Variants in TENM4 observed in about 807,000 individuals in gnomAD.
TENM4 encodes teneurin-4.
Under a neutral mutation model 243.3 loss-of-function variants are expected in TENM4, and 82 were observed. The observed-to-expected ratio is 0.34, with a 90% CI of 0.28 to 0.40. TENM4 has a LOEUF of 0.40. Among genes scored for constraint, TENM4 ranks in the 10% least tolerant of loss-of-function variants. TENM4 has a pLI of 1.00. For synonymous variants in TENM4, 1,412 were observed against 1,456.3 expected (o/e 0.97, Z 0.69); for missense variants, 3,138 against 3,673.3 (o/e 0.85, Z 3.77).
Position 79,342,907 on chromosome 11 carries a change from C to T in TENM4, c.-320-45364G>A, listed in dbSNP as rs1857264779. On this transcript the variant is annotated intron_variant, in intron 1 of 33. Transcript: ENST00000278550. ...AGCTTTGCATGAATGTGATACTTCA[C>T]TTCCTGTCCTTGTCCAAAACTGGGC... 2.6e-5 allele frequency among the ~76,000 whole-genome samples: 4 copies of T among 152,232 alleles called. No individual in the cohort carries two copies. In the South Asian group the frequency reaches 8.3e-4, roughly 31 times the overall value.
intron 1 of TENM4, among the ~76,000 whole-genome samples, chr11:79,349,336 C>T (rs375796704): frequency 3.3e-5 from 5 of 152,246 alleles, no homozygotes; most frequent in East Asian, 1.9e-4. Context: ...AAGATTTCAC[C>T]GACGTTTCCT....
intron 4 of TENM4, among the ~76,000 whole-genome samples, chr11:79,091,410 T>C (rs75205091): frequency 6.6e-6 from 1 of 151,552 alleles, no homozygotes; most frequent in Non-Finnish European, 1.5e-5. Flanking sequence ...GTTGGAGATA[T>C]AAAAAAAAAT....
chr11:79,432,647 G>A (rs1407763753), intron 1 of TENM4, among the ~76,000 whole-genome samples: 1 of 152,120 alleles, frequency 6.6e-6, no homozygotes, highest in Non-Finnish European at 1.5e-5. Context: ...TAACCAACTT[G>A]AACAAATTGC....
chr11:78,723,969 C>T (rs1391491198), intron 23 of TENM4, among the ~76,000 whole-genome samples: 1 of 152,016 alleles, frequency 6.6e-6, no homozygotes, highest in Non-Finnish European at 1.5e-5. Context: ...AATTAATTAA[C>T]TACTTTCTTT....
intron 6 of TENM4, among the ~76,000 whole-genome samples, chr11:78,997,755 G>C (rs1036472160): frequency 1.3e-5 from 2 of 152,220 alleles, no homozygotes; most frequent in African/African-American, 2.4e-5. Flanking sequence ...TCTATTATGG[G>C]TTGAATGTAT....
chr11:78,976,045 C>T lies in TENM4; in HGVS notation c.494-72522G>A, dbSNP rs78541076. The stretch of plus-strand genomic sequence containing the variant: ...GCTGAACCCTATGCCCACATGCTTC[C>T]GACTAAAATAACCTTAATAAATAAT... On this transcript the variant is annotated intron_variant, in intron 6 of 33. Transcript: ENST00000278550. Among the ~76,000 whole-genome samples the T allele has an allele frequency of 7.6e-3, 1,151 of 152,254 alleles. 8 individuals carry two copies. Among genetic ancestry groups the T allele is most frequent in the African/African-American group, 0.015 (606 of 41,536 alleles).
At chr11:79,301,862 T>C (rs921298607) in intron 1 of TENM4, among the ~76,000 whole-genome samples, 4 of 152,216 alleles carry the variant, frequency 2.6e-5, no homozygotes, top group African/African-American at 7.2e-5. Flanking sequence ...TCCGCCATTA[T>C]GGTAAGTTTC....
intron 1 of TENM4, among the ~76,000 whole-genome samples, chr11:79,361,701 C>T (rs866537005): frequency 5.3e-5 from 8 of 152,022 alleles, no homozygotes; most frequent in African/African-American, 1.9e-4. Context: ...AGTACAGTTG[C>T]TTTTCCAGAT....
chr11:78,875,127 C>T (rs1312386134), intron 9 of TENM4, among the ~76,000 whole-genome samples: 1 of 152,166 alleles, frequency 6.6e-6, no homozygotes, highest in Non-Finnish European at 1.5e-5. Context: ...AAACCGCCGC[C>T]CCAGTCAGTG....
At chr11:78,814,206 G>A (rs1857557412) in intron 13 of TENM4, 88 bp downstream of exon 13, 1 of 1,297,214 alleles carries the variant, frequency 7.7e-7, no homozygotes, top group African/African-American at 1.5e-5. Flanking sequence ...AAGGTGGGCT[G>A]GATTCTGCAC....
intron 12 of TENM4, among the ~76,000 whole-genome samples, chr11:78,834,113 C>A (rs1858043157): frequency 6.6e-6 from 1 of 152,064 alleles, no homozygotes; most frequent in African/African-American, 2.4e-5. Flanking sequence ...GTTTTCTTAC[C>A]TATTTTGTTC....
chr11:79,429,942 T>C (rs566738348), intron 1 of TENM4, among the ~76,000 whole-genome samples: 1 of 152,188 alleles, frequency 6.6e-6, no homozygotes, highest in African/African-American at 2.4e-5. Flanking sequence ...ATTAAGTAAT[T>C]TGACCAAGGT....
chr11:79,426,230 T>C (rs1316454791), intron 1 of TENM4, among the ~76,000 whole-genome samples: 1 of 152,232 alleles, frequency 6.6e-6, no homozygotes, highest in African/African-American at 2.4e-5. Flanking sequence ...ATGGTGTGTA[T>C]CTTGTTCCTC....
At chr11:79,307,953 C>T (rs1336002579) in intron 1 of TENM4, among the ~76,000 whole-genome samples, 2 of 152,270 alleles carry the variant, frequency 1.3e-5, no homozygotes, top group African/African-American at 4.8e-5. Flanking sequence ...CCTACCCCAT[C>T]CTGGGCTTCT....
At position 78,699,459 on chromosome 11, in the gene TENM4, G is replaced by A. The variant is rs574799895; in HGVS notation, c.5087+2067C>T. Among the ~76,000 whole-genome samples, 17 of 152,284 alleles carry A rather than the reference G, an allele frequency of 1.1e-4. No homozygotes were observed. In the South Asian group the frequency reaches 2.9e-3, roughly 26 times the overall value. The stretch of plus-strand genomic sequence containing the variant: ...TCCTGCCATCTGAGGTTGCTGTGAA[G>A]ATTAAATGGGAAAGAGCCTGGCACA... On this transcript the variant is annotated intron_variant, in intron 28 of 33. Transcript: ENST00000278550.
intron 28 of TENM4, among the ~76,000 whole-genome samples, chr11:78,697,946 A>G (rs1212219170): frequency 6.6e-6 from 1 of 151,924 alleles, no homozygotes; most frequent in Admixed American, 6.6e-5. Context: ...TGCATTTCAG[A>G]CTCCTTTGAG....
At chr11:78,866,601 G>A (rs1858983059) in intron 9 of TENM4, among the ~76,000 whole-genome samples, 1 of 152,078 alleles carries the variant, frequency 6.6e-6, no homozygotes, top group African/African-American at 2.4e-5. Flanking sequence ...ATGAGGGTGG[G>A]GGAGACATGG....
intron 30 of TENM4, among the ~76,000 whole-genome samples, chr11:78,675,684 C>A (rs548695474): frequency 6.6e-6 from 1 of 152,242 alleles, no homozygotes; most frequent in South Asian, 2.1e-4. Flanking sequence ...AGTAGCTGAG[C>A]TGAATTTTGG....
intron 3 of TENM4, among the ~76,000 whole-genome samples, chr11:79,203,166 C>T (rs1863780797): frequency 6.6e-6 from 1 of 152,174 alleles, no homozygotes; most frequent in Admixed American, 6.5e-5. Context: ...AACCCTTATA[C>T]ACTGCTGGTG....
Sources: gnomAD v4.1 joint callset for allele counts (sites outside exome capture counted in the v4.1 genomes callset) on GRCh38, gnomAD v4.1.1 for gene constraint, MANE v1.5 for transcripts, NCBI Gene and HGNC (gene_info 2026-07-23, HGNC 2026-07-21) for gene names.